Variants in LMF1 observed in about 807,000 individuals in gnomAD.
LMF1 encodes transmembrane protein 112.
In LMF1, 68 loss-of-function variants were observed where a neutral mutation model predicts 60.6. The ratio of observed to expected loss-of-function variants is 1.12; its 90% confidence interval spans 0.92 to 1.37. LMF1 has a LOEUF of 1.37. LMF1 is among the 40% of genes most tolerant of loss of function. The pLI is 0.00. For missense variants in LMF1, 948 were observed against 767.2 expected (o/e 1.24, Z -2.78); for synonymous variants, 418 against 324.7 (o/e 1.29, Z -3.09).
intron 2 of LMF1, among the ~76,000 whole-genome samples, chr16:934,654 T>C (rs1454036291): frequency 6.6e-6 from 1 of 152,258 alleles, no homozygotes; most frequent in African/African-American, 2.4e-5. Context: ...GGATCTTAAA[T>C]GAAAGGAATT....
At position 878,101 on chromosome 16, in the gene LMF1, C is replaced by G. The variant is rs1292555790; in HGVS notation, c.897+1469G>C. ...GCCCCCAGACGCGCGTGGGGTCCAGCCACATGGAATCCACTGAAGCTATTC... is the reference window on the plus strand; with the variant it reads ...GCCCCCAGACGCGCGTGGGGTCCAGGCACATGGAATCCACTGAAGCTATTC... On this transcript the variant is annotated intron_variant, in intron 6 of 10. Coordinates refer to ENST00000262301, the MANE Select transcript of LMF1 (RefSeq NM_022773.4). The surrounding 1 kb of genome is among the most constrained non-coding windows in gnomAD (Gnocchi z 5.2). 6.6e-6 allele frequency among the ~76,000 whole-genome samples: 1 copy of G among 151,788 alleles called. No homozygotes were observed. The highest frequency in any genetic ancestry group is 1.5e-5 in the Non-Finnish European group (1 of 67,962).
chr16:946,428 G>T (rs539213985), intron 2 of LMF1, among the ~76,000 whole-genome samples: 1 of 152,330 alleles, frequency 6.6e-6, no homozygotes, highest in Non-Finnish European at 1.5e-5. Context: ...AGAGAGGAGG[G>T]GGACAAGCCT....
At chr16:918,042 G>A (rs1421389552) in intron 3 of LMF1, among the ~76,000 whole-genome samples, 4 of 152,234 alleles carry the variant, frequency 2.6e-5, no homozygotes, top group East Asian at 1.9e-4. Flanking sequence ...GGCGCGGGGC[G>A]GCTGGCTGGG....
At chr16:904,095 C>A (rs2070902830) in intron 4 of LMF1, 5 of 150,862 alleles carry the variant, frequency 3.3e-5, no homozygotes, top group South Asian at 1.3e-4. Flanking sequence ...CCTGTCTCTG[C>A]TGTGTGGTGG....
In LMF1 at chr16:878,094, G is replaced by A. The variant is rs1221208871; in HGVS notation, c.897+1476C>T. On this transcript the variant is annotated intron_variant, in intron 6 of 10. Coordinates refer to ENST00000262301, the MANE Select transcript of LMF1 (RefSeq NM_022773.4). The surrounding 1 kb of genome is among the most constrained non-coding windows in gnomAD (Gnocchi z 5.2). ...TCCAGGAGCCCCCAGACGCGCGTGG[G>A]GTCCAGCCACATGGAATCCACTGAA... 6.6e-6 allele frequency among the ~76,000 whole-genome samples: 1 copy of A among 151,958 alleles called. No individual in the cohort carries two copies. The highest frequency in any genetic ancestry group is 2.4e-5 in the African/African-American group (1 of 41,340).
chr16:898,339 C>G (rs990419468), intron 4 of LMF1, among the ~76,000 whole-genome samples: 4 of 152,270 alleles, frequency 2.6e-5, no homozygotes, highest in African/African-American at 9.6e-5. Context: ...GACAGTCGGG[C>G]CGCCGCAGAG....
At position 906,452 on chromosome 16, in the gene LMF1, G is replaced by A. The variant is rs560260048; in HGVS notation, c.663+4479C>T. On this transcript the variant is annotated intron_variant, in intron 4 of 10. Coordinates refer to ENST00000262301, the MANE Select transcript of LMF1 (RefSeq NM_022773.4). ...AGAAAAAGGAGAAGAGGGGAGACGG[G>A]CCTACCCTCCCAGCCCGCATCTTTC... 1.1e-4 allele frequency among the ~76,000 whole-genome samples: 17 copies of A among 152,224 alleles called. No individual in the cohort carries two copies. The East Asian group carries it at 2.7e-3, about 24-fold the overall frequency.
intron 1 of LMF1, among the ~76,000 whole-genome samples, chr16:977,981 C>T (rs1386714660): frequency 1.1e-5 from 1 of 91,370 alleles, no homozygotes; most frequent in African/African-American, 7.3e-5. Flanking sequence ...CACCCCACCA[C>T]ACACATACAC....
intron 10 of LMF1, among the ~76,000 whole-genome samples, chr16:864,583 C>G (rs563329403): frequency 1.2e-4 from 18 of 152,128 alleles, no homozygotes; most frequent in African/African-American, 4.3e-4. Flanking sequence ...GTGTATTAAA[C>G]TCATTTTTGA....
At chr16:855,589 C>A in intron 10 of LMF1, 1 of 412,068 alleles carries the variant, frequency 2.4e-6, no homozygotes, top group Non-Finnish European at 4.9e-6. Context: ...GCTCCCGGCC[C>A]TCCAGGCCCC....
At chr16:905,025 G>T (rs886957169) in intron 4 of LMF1, 3 of 79,830 alleles carry the variant, frequency 3.8e-5, no homozygotes, top group African/African-American at 1.2e-4. Context: ...TCTGCTGTGT[G>T]GTGGTGACCT....
chr16:918,836 A>AACCTGACTCTCACGCGGGGCCGGCG (rs1567237661), intron 3 of LMF1, among the ~76,000 whole-genome samples: 1 of 136,134 alleles, frequency 7.3e-6, no homozygotes, highest in African/African-American at 2.5e-5. Context: ...CGGGGCCGGC[A>AACCTGACTCTCACGCGGGGCCGGCG]TCCCGGGGCG....
At chr16:976,179 G>T (rs1461683903) in intron 1 of LMF1, 4 of 452,370 alleles carry the variant, frequency 8.8e-6, no homozygotes, top group Non-Finnish European at 1.8e-5. Context: ...CAGCCCCCCA[G>T]TGCCTGGGCC....
rs1455168218 is a variant in LMF1 at position 934,462 on chromosome 16, A to G, written c.504-208T>C. 5 of 600,242 alleles carry G rather than the reference A, an allele frequency of 8.3e-6. No homozygotes were observed. In the African/African-American group the frequency reaches 9.3e-5, roughly 11 times the overall value. 37.2% of individuals were successfully genotyped at this position (600,242 alleles called of 1,614,324 possible). The stretch of plus-strand genomic sequence containing the variant: ...ACAGGCAGGCCCAGAACAGGCAACC[A>G]AAACATATTCCAAGATACACCTACT... On this transcript the variant is annotated intron_variant, in intron 2 of 10. Coordinates refer to ENST00000262301, the MANE Select transcript of LMF1 (RefSeq NM_022773.4).
chr16:979,644 AG>A (rs1262572110), intron 1 of LMF1: 1 of 454,088 alleles, frequency 2.2e-6, no homozygotes, highest in South Asian at 1.6e-5. Flanking sequence ...ATGGGGAGCC[AG>A]GAAGAGGCCA....
At chr16:940,282 C>A (rs1462432587) in intron 2 of LMF1, among the ~76,000 whole-genome samples, 1 of 152,150 alleles carries the variant, frequency 6.6e-6, no homozygotes, top group Non-Finnish European at 1.5e-5. Context: ...GAAGCCTCCC[C>A]ACGTGGTCAC....
At chr16:868,781 G>GGC (rs1323926330) in intron 10 of LMF1, among the ~76,000 whole-genome samples, 163 bp downstream of exon 10, 1 of 148,292 alleles carries the variant, frequency 6.7e-6, no homozygotes, top group African/African-American at 2.4e-5. Flanking sequence ...TGGGGCGGGG[G>GGC]GGGGGGGCCC....
At position 869,986 on chromosome 16, in the gene LMF1, T is replaced by G; in HGVS notation, c.1313A>C (p.Asp438Ala). 6.2e-7 allele frequency: 1 copy of G among 1,613,230 alleles called. No individual in the cohort carries two copies. The highest frequency in any genetic ancestry group is 1.3e-5 in the African/African-American group (1 of 75,036). ...NASAPDAMWE[D>A]YEFKCKPGDP... Reference sequence around the variant, plus strand: ...ACCTGGCTTGCACTTGAACTCGTAGTCCTCCCACATGGCATCGGGGGCGCT... The same window carrying G: ...ACCTGGCTTGCACTTGAACTCGTAGGCCTCCCACATGGCATCGGGGGCGCT... Residue 438 changes from aspartate to alanine, a missense_variant, in exon 9 of 11, where the codon GAC becomes GCC. By Grantham distance (126) the Asp-to-Ala change is moderately radical. Coordinates refer to ENST00000262301, the MANE Select transcript of LMF1 (RefSeq NM_022773.4).
At chr16:880,582 A>G (rs1029504669) in intron 5 of LMF1, among the ~76,000 whole-genome samples, 6 of 152,230 alleles carry the variant, frequency 3.9e-5, no homozygotes, top group Admixed American at 1.3e-4. Flanking sequence ...AGTCAGGAGG[A>G]TCGCCTGAAC....
Sources: gnomAD v4.1 joint callset for allele counts (sites outside exome capture counted in the v4.1 genomes callset) on GRCh38, gnomAD v4.1.1 for gene constraint, Gnocchi (gnomAD v3.1) non-coding constraint, MANE v1.5 for transcripts, NCBI Gene and HGNC (gene_info 2026-07-23, HGNC 2026-07-21) for gene names.